The following SF1 variants were observed in gnomAD, a reference collection of about 807,000 sequenced individuals.
The protein encoded by SF1 is splicing factor 1.
Under a neutral mutation model 62.5 loss-of-function variants are expected in SF1, and 7 were observed. That is an observed-to-expected ratio of 0.11 (90% CI 0.06 to 0.21). SF1 has a LOEUF of 0.21. Among genes scored for constraint, SF1 ranks in the 10% least tolerant of loss-of-function variants. SF1 has a pLI of 1.00. For synonymous variants in SF1, 394 were observed against 323.6 expected, an observed-to-expected ratio of 1.22 and a Z score of -2.33; for missense variants, 578 against 884.0, an observed-to-expected ratio of 0.65 and a Z score of 4.39.
rs374307255 is a variant in SF1, at chr11:64,765,374, G to A, written c.*444C>T. 48 of 1,028,052 alleles carry A rather than the reference G, an allele frequency of 4.7e-5. No homozygotes were observed. Among genetic ancestry groups the A allele is most frequent in the African/African-American group, 4.6e-4 (29 of 62,456 alleles). The allele number at this position is 1,028,052 out of a possible 1,614,324, so 63.7% of individuals were successfully genotyped here. The stretch of plus-strand genomic sequence containing the variant: ...TATGGAGCCAGCGTGTTCCGATTCC[G>A]TCCACAAAAATAACTCAGGCTGCTT... On this transcript the variant is annotated 3_prime_UTR_variant, in exon 13 of 13. Coordinates refer to ENST00000377390, the MANE Select transcript of SF1 (RefSeq NM_004630.4).
rs768208792 is a variant in SF1, at chr11:64,767,604, G to A, written c.1309C>T (p.His437Tyr). 1.3e-6 allele frequency: 2 copies of A among 1,581,414 alleles called. No homozygotes were observed. The highest frequency in any genetic ancestry group is 3.9e-5 in the Admixed American group (2 of 51,660). ...GGAGGGCCATGGTGCCCAGGAGGGTGGGGGCCCTGGTTCATCGGTGGTGGT... is the reference window on the plus strand; with the variant it reads ...GGAGGGCCATGGTGCCCAGGAGGGTAGGGGCCCTGGTTCATCGGTGGTGGT... ...PPPPPMNQGP[H>Y]PPGHHGPPPM... The change falls in exon 10 of 13, where the codon CAC becomes TAC. Residue 437 changes from histidine to tyrosine, a missense_variant. This residue lies in a region of SF1 where 410 missense variants were observed against 452.4 expected (regional missense o/e 0.91). Coordinates refer to ENST00000377390, the MANE Select transcript of SF1 (RefSeq NM_004630.4).
At chr11:64,766,866 A>ACCCCCCCCCCCC in intron 12 of SF1, 34 bp downstream of exon 12, 1 of 181,358 alleles carries the variant, frequency 5.5e-6, no homozygotes, top group Non-Finnish European at 1.0e-5. Context: ...CCCCCATCCC[A>ACCCCCCCCCCCC]CCCACCCCCA....
chr11:64,768,663 G>A (rs1238369864), intron 8 of SF1, among the ~76,000 whole-genome samples: 3 of 152,170 alleles, frequency 2.0e-5, no homozygotes, highest in East Asian at 1.9e-4. Context: ...TTACATATTC[G>A]CCAGCCAGTC....
intron 1 of SF1, 72 bp downstream of exon 1, chr11:64,778,290 C>T (rs1939743431): frequency 4.1e-6 from 5 of 1,218,104 alleles, no homozygotes; most frequent in Non-Finnish European, 4.1e-6. Flanking sequence ...GGCCCGGGTG[C>T]AGGCGGAGGG....
intron 1 of SF1, chr11:64,777,604 C>CA (rs1939523763): frequency 1.0e-6 from 1 of 985,396 alleles, no homozygotes; most frequent in Non-Finnish European, 1.2e-6. Context: ...TGCACGTCAT[C>CA]AGGTGAGGCT....
At chr11:64,769,705 G>A in intron 5 of SF1, 96 bp from the exon 6 acceptor site, 2 of 1,142,220 alleles carry the variant, frequency 1.8e-6, no homozygotes, top group Non-Finnish European at 2.5e-6. Context: ...GAAACCACAA[G>A]CGCAGAGAAT....
At chr11:64,766,834 T>G (rs1326191089) in intron 12 of SF1, 66 bp downstream of exon 12, 1 of 1,298,984 alleles carries the variant, frequency 7.7e-7, no homozygotes, top group Non-Finnish European at 1.0e-6. Flanking sequence ...TGTGTGAGGC[T>G]CTATGGTTCC....
Position 64,765,816 on chromosome 11 carries a change from G to A in SF1, c.*2C>T, listed in dbSNP as rs761852518. 2.4e-4 allele frequency: 372 copies of A among 1,544,330 alleles called. No homozygotes were observed. Among genetic ancestry groups the A allele is most frequent in the Non-Finnish European group, 6.5e-5 (74 of 1,145,316 alleles). ...TAATATATATTTTCTTAAAAAACAAGTCTAGTTCTGTGGTGGAGGCGGTGG... is the reference window on the plus strand; with the variant it reads ...TAATATATATTTTCTTAAAAAACAAATCTAGTTCTGTGGTGGAGGCGGTGG... On this transcript the variant is annotated 3_prime_UTR_variant, in exon 13 of 13. Transcript: ENST00000377390.
chr11:64,768,321 G>A lies in SF1; in HGVS notation c.888-35C>T, dbSNP rs754314685. 11 of 1,591,010 alleles carry A rather than the reference G, an allele frequency of 6.9e-6. No individual in the cohort carries two copies. In the African/African-American group the frequency reaches 1.2e-4, roughly 18 times the overall value. ...GGTGGGGGACACAAACAGAGAAAGGGGAAAAACTTGTTAAGAAGGAAGCTT... is the reference window on the plus strand; with the variant it reads ...GGTGGGGGACACAAACAGAGAAAGGAGAAAAACTTGTTAAGAAGGAAGCTT... On this transcript the variant is annotated intron_variant, in intron 8 of 12. Coordinates refer to ENST00000377390, the MANE Select transcript of SF1 (RefSeq NM_004630.4).
chr11:64,777,875 T>G, intron 1 of SF1: 3 of 929,822 alleles, frequency 3.2e-6, no homozygotes, highest in African/African-American at 3.6e-5. Flanking sequence ...GGCCTCCCCG[T>G]GCGCGCACGC....
Position 64,767,264 on chromosome 11 carries a change from A to T in SF1, c.1343-13T>A. On this transcript the variant is annotated splice_polypyrimidine_tract_variant and intron_variant, in intron 10 of 12. Coordinates refer to ENST00000377390, the MANE Select transcript of SF1 (RefSeq NM_004630.4). The stretch of plus-strand genomic sequence containing the variant: ...CCCAGGTACTGATCTTGATGGAAGG[A>T]AAGAGCAGGGACTTAGCAGGACATT... 6.2e-7 allele frequency: 1 copy of T among 1,613,654 alleles called. No individual in the cohort carries two copies.
At chr11:64,768,001 A>G in intron 9 of SF1, 105 bp downstream of exon 9, 2 of 1,444,186 alleles carry the variant, frequency 1.4e-6, no homozygotes, top group Non-Finnish European at 1.9e-6. Context: ...CAATGTTGCC[A>G]TCCACATCCA....
Position 64,769,688 on chromosome 11 carries a change from T to C in SF1, c.480-79A>G, listed in dbSNP as rs71583706. On this transcript the variant is annotated intron_variant, in intron 5 of 12. Transcript: ENST00000377390. ...GAAGAGAGGCTGGACCAATTTGGCA[T>C]TGGTGGGAAACCACAAGCGCAGAGA... 0.036 allele frequency: 48,080 copies of C among 1,340,920 alleles called. 1,062 individuals carry two copies. The highest frequency in any genetic ancestry group is 0.041 in the Non-Finnish European group (39,680 of 965,124). 83.1% of individuals were successfully genotyped at this position (1,340,920 alleles called of 1,614,324 possible).
chr11:64,766,303 G>C, intron 12 of SF1, 148 bp from the exon 13 acceptor site: 1 of 481,336 alleles, frequency 2.1e-6, no homozygotes, highest in Non-Finnish European at 3.8e-6. Context: ...GGCTGGTGAT[G>C]GGGAGTGGAG....
chr11:64,772,393 T>G, intron 3 of SF1: 6 of 983,240 alleles, frequency 6.1e-6, no homozygotes, highest in Non-Finnish European at 7.2e-6. Context: ...TATCTATAGG[T>G]AAAATATAGC....
At chr11:64,766,356 G>T in intron 12 of SF1, 1 of 593,070 alleles carries the variant, frequency 1.7e-6, no homozygotes, top group Non-Finnish European at 3.0e-6. Flanking sequence ...AGGTCTCTGG[G>T]CTTAACAGAG....
At chr11:64,773,288 T>A in intron 3 of SF1, 142 bp downstream of exon 3, 1 of 1,460,708 alleles carries the variant, frequency 6.8e-7, no homozygotes, top group African/African-American at 1.5e-5. Flanking sequence ...ATATTTCTAA[T>A]TAAACCTTAA....
intron 2 of SF1, 112 bp downstream of exon 2, chr11:64,776,386 A>G: frequency 8.9e-7 from 1 of 1,119,266 alleles, no homozygotes; most frequent in Non-Finnish European, 1.3e-6. Context: ...TCGTGAAAGT[A>G]TCTCATCTCA....
chr11:64,767,999 C>T, intron 9 of SF1, 107 bp downstream of exon 9: 2 of 1,432,838 alleles, frequency 1.4e-6, no homozygotes. Context: ...AACAATGTTG[C>T]CATCCACATC....
Sources: allele counts gnomAD v4.1 joint callset (sites outside exome capture counted in the v4.1 genomes callset), GRCh38; gene constraint gnomAD v4.1.1; regional missense constraint gnomAD v4.1.1; transcripts MANE v1.5; gene names NCBI Gene and HGNC (gene_info 2026-07-23, HGNC 2026-07-21).